Variants in PCDHGB1 observed in about 807,000 individuals in gnomAD.
PCDHGB1 encodes the protein protocadherin gamma subfamily B, 1.
Under a neutral mutation model 56.6 loss-of-function variants are expected in PCDHGB1, and 34 were observed. The ratio of observed to expected loss-of-function variants is 0.60; its 90% CI spans 0.46 to 0.80. The LOEUF (loss-of-function observed/expected upper bound fraction) is 0.80, where lower values mean the gene tolerates loss of function less well. PCDHGB1 is among the 30% of genes least tolerant of loss of function. The pLI, the probability that PCDHGB1 is intolerant of heterozygous loss-of-function variation, is 0.00. For synonymous variants in PCDHGB1, 561 were observed against 505.9 expected, an observed-to-expected ratio of 1.11 and a Z score of -1.46; for missense variants, 1,278 against 1,204.6, an observed-to-expected ratio of 1.06 and a Z score of -0.90.
chr5:141,382,699 G>C lies in PCDHGB1; in HGVS notation c.2409+30030G>C, dbSNP rs6876944. The stretch of plus-strand genomic sequence containing the variant: ...CCAACCAGGGAAAAATGGTGCGAGA[G>C]ATCCCACAGAAACCACCGAGTTTTA... On this transcript the variant is annotated intron_variant, in intron 1 of 3. Transcript: ENST00000523390. 3,018 of 458,814 alleles carry C rather than the reference G, an allele frequency of 6.6e-3. 90 individuals carry two copies. Among genetic ancestry groups the C allele is most frequent in the African/African-American group, 0.053 (2,693 of 50,344 alleles). 28.4% of individuals were successfully genotyped at this position (458,814 alleles called of 1,614,324 possible).
intron 1 of PCDHGB1, chr5:141,417,070 G>A (rs1324168481): frequency 6.6e-6 from 1 of 151,864 alleles, no homozygotes; most frequent in Non-Finnish European, 1.5e-5. Flanking sequence ...TGTAGCTATT[G>A]TGAGAAAATA....
chr5:141,476,642 C>T lies in PCDHGB1; in HGVS notation c.2410-18165C>T. On this transcript the variant is annotated intron_variant, in intron 1 of 3. Transcript: ENST00000523390. This position sits in a 1 kb window ranked among gnomAD's most constrained non-coding sequence, Gnocchi z 7.6. The stretch of plus-strand genomic sequence containing the variant: ...CTCTTTACAAACCTATGAGCTGAGC[C>T]GAAATGAATACTTTGCGCTTCGCGT... The T allele has an allele frequency of 1.9e-6, 3 of 1,614,240 alleles. No individual in the cohort carries two copies. The highest frequency in any genetic ancestry group is 2.5e-6 in the Non-Finnish European group (3 of 1,180,050).
At chr5:141,415,611 A>G in intron 1 of PCDHGB1, 1 of 1,613,152 alleles carries the variant, frequency 6.2e-7, no homozygotes, top group Non-Finnish European at 8.5e-7. Context: ...CATTGGTTCC[A>G]GTGAGTTTTA....
intron 1 of PCDHGB1, chr5:141,419,487 G>T: frequency 6.2e-7 from 1 of 1,612,378 alleles, no homozygotes. Context: ...CCCGCGCTCA[G>T]CGCCAATGTG....
chr5:141,370,558 G>A (rs1191020056), intron 1 of PCDHGB1: 3 of 1,613,818 alleles, frequency 1.9e-6, no homozygotes, highest in Admixed American at 3.3e-5. Flanking sequence ...AAGGACCTGG[G>A]GTTTGGCGTG....
intron 1 of PCDHGB1, chr5:141,360,426 G>A (rs763572902): frequency 2.5e-6 from 4 of 1,614,000 alleles, no homozygotes; most frequent in Non-Finnish European, 2.5e-6. Flanking sequence ...AGATATGCGG[G>A]AAGCAGCCTC....
intron 1 of PCDHGB1, chr5:141,422,550 G>A: frequency 6.2e-7 from 1 of 1,613,978 alleles, no homozygotes; most frequent in Non-Finnish European, 8.5e-7. Flanking sequence ...ATGTCTGGCT[G>A]AATGTGGCAG....
In PCDHGB1 at chr5:141,489,153, G is replaced by C; in HGVS notation, c.2410-5654G>C. Reference sequence around the variant, plus strand: ...TTTAAGAGGCTGGAAGGAGACATAAGAGACTTCAGCTGCTGCATTCCAAGC... The same window carrying C: ...TTTAAGAGGCTGGAAGGAGACATAACAGACTTCAGCTGCTGCATTCCAAGC... On this transcript the variant is annotated intron_variant, in intron 1 of 3. Coordinates refer to ENST00000523390, the MANE Select transcript of PCDHGB1 (RefSeq NM_018922.3). This position sits in a 1 kb window ranked among gnomAD's most constrained non-coding sequence, Gnocchi z 4.5. 1 of 935,832 alleles carries C rather than the reference G, an allele frequency of 1.1e-6. No individual in the cohort carries two copies. Among genetic ancestry groups the C allele is most frequent in the Non-Finnish European group, 1.6e-6 (1 of 627,178 alleles). The allele number at this position is 935,832 out of a possible 1,614,324, so 58.0% of individuals were successfully genotyped here.
rs377389968 is a variant in PCDHGB1, at chr5:141,404,840, C to T, written c.2409+52171C>T. On this transcript the variant is annotated intron_variant, in intron 1 of 3. Coordinates refer to ENST00000523390, the MANE Select transcript of PCDHGB1 (RefSeq NM_018922.3). Reference sequence around the variant, plus strand: ...GCACACAGGTGAAGTGCGCACAGCTCGGGCCCTGCTAGATAGAGATGCGCT... The same window carrying T: ...GCACACAGGTGAAGTGCGCACAGCTTGGGCCCTGCTAGATAGAGATGCGCT... 3.5e-5 allele frequency: 57 copies of T among 1,613,700 alleles called. No individual in the cohort carries two copies. The African/African-American group carries it at 6.3e-4, about 18-fold the overall frequency.
rs377208230 is a variant in PCDHGB1, at chr5:141,351,886, G to A, written c.1626G>A (p.Val542=). Residue 542 remains valine (V), a synonymous_variant, in exon 1 of 4, where the codon GTG becomes GTA. Coordinates refer to ENST00000523390, the MANE Select transcript of PCDHGB1 (RefSeq NM_018922.3). ...DQGSPALSAN[V]SLRVLVGDLN... ...GCTCCCCCGCGCTCAGCGCCAACGT[G>A]AGCCTGCGCGTGTTGGTGGGCGACC... 35 of 1,613,292 alleles carry A rather than the reference G, an allele frequency of 2.2e-5. No homozygotes were observed. Among genetic ancestry groups the A allele is most frequent in the Admixed American group, 3.3e-5 (2 of 59,990 alleles).
chr5:141,425,482 C>G (rs1257043728), intron 1 of PCDHGB1, among the ~76,000 whole-genome samples: 1 of 152,192 alleles, frequency 6.6e-6, no homozygotes, highest in East Asian at 1.9e-4. Flanking sequence ...CCTATGGCAA[C>G]CTACTAGGCT....
chr5:141,381,826 C>CTTTTTTTTTTTTTT (rs770630741), intron 1 of PCDHGB1, among the ~76,000 whole-genome samples: 11 of 74,282 alleles, frequency 1.5e-4, no homozygotes, highest in Non-Finnish European at 1.7e-4. Context: ...CTTTCTTCTT[C>CTTTTTTTTTTTTTT]TTTTTTTTTT....
intron 1 of PCDHGB1, among the ~76,000 whole-genome samples, chr5:141,481,245 T>C (rs1362728826): frequency 6.6e-6 from 1 of 152,194 alleles, no homozygotes; most frequent in East Asian, 1.9e-4. Context: ...TTACATAGCA[T>C]AGCTCTAAAA....
rs1758654842 is a variant in PCDHGB1, at chr5:141,351,140, A to G, written c.880A>G (p.Thr294Ala). The G allele has an allele frequency of 6.2e-7, 1 of 1,613,922 alleles. No homozygotes were observed. Among genetic ancestry groups the G allele is most frequent in the Non-Finnish European group, 8.5e-7 (1 of 1,179,898 alleles). The stretch of plus-strand genomic sequence containing the variant: ...CAGCCTCTTCAATCTCAATCCAAAT[A>G]CTGGCGACATCACAACCAATGGCAC... ...STSLFNLNPN[T>A]GDITTNGTLD... Residue 294 changes from threonine to alanine, a missense_variant, in exon 1 of 4, where the codon ACT (threonine) becomes GCT (alanine). Thr to Ala is a moderately conservative substitution (Grantham distance 58). Transcript: ENST00000523390.
Position 141,352,171 on chromosome 5 carries a change from C to A in PCDHGB1, c.1911C>A (p.Arg637=). The A allele has an allele frequency of 6.2e-7, 1 of 1,613,606 alleles. No homozygotes were observed. Among genetic ancestry groups the A allele is most frequent in the South Asian group, 1.1e-5 (1 of 91,066 alleles). ...GCGACAGGGACGCGGCCCGCCAGCGCCTGCTGGTCGCTGTGCGTGATGGAG... is the reference window on the plus strand; with the variant it reads ...GCGACAGGGACGCGGCCCGCCAGCGACTGCTGGTCGCTGTGCGTGATGGAG... The part of the protein sequence containing the change: ...ALGDRDAARQ[R]LLVAVRDGGQ... Residue 637 remains arginine, a synonymous_variant, in exon 1 of 4, where the codon CGC becomes CGA. Transcript: ENST00000523390.
rs370432555 is a variant in PCDHGB1 at position 141,388,865 on chromosome 5, G to A, written c.2409+36196G>A. On this transcript the variant is annotated intron_variant, in intron 1 of 3. Transcript: ENST00000523390. Reference sequence around the variant, plus strand: ...CAAGGGACGGTGGAGGAATGATTGCGCAATGCACAGTGGAGGTAGAAGTCA... The same window carrying A: ...CAAGGGACGGTGGAGGAATGATTGCACAATGCACAGTGGAGGTAGAAGTCA... 10 of 1,613,808 alleles carry A rather than the reference G, an allele frequency of 6.2e-6. No homozygotes were observed. In the East Asian group the frequency reaches 6.7e-5, roughly 11 times the overall value.
intron 1 of PCDHGB1, chr5:141,408,748 T>A (rs757813921): frequency 2.5e-6 from 4 of 1,608,714 alleles, no homozygotes; most frequent in Non-Finnish European, 3.4e-6. Flanking sequence ...CATTAATGGT[T>A]AGAGTTAATT....
intron 1 of PCDHGB1, among the ~76,000 whole-genome samples, chr5:141,464,436 TTTG>T (rs1043492514): frequency 1.1e-4 from 17 of 151,396 alleles, no homozygotes; most frequent in Non-Finnish European, 1.9e-4. Flanking sequence ...GATATATATG[TTTG>T]TTGTTGTTGT....
chr5:141,414,613 G>A (rs957641063), intron 1 of PCDHGB1: 2 of 1,613,988 alleles, frequency 1.2e-6, no homozygotes, highest in East Asian at 4.5e-5. Flanking sequence ...CTCAGTGACA[G>A]CGCTGGACCC....
Sources: allele counts gnomAD v4.1 joint callset (sites outside exome capture counted in the v4.1 genomes callset), GRCh38; gene constraint gnomAD v4.1.1; non-coding constraint Gnocchi (gnomAD v3.1); transcripts MANE v1.5; gene names NCBI Gene and HGNC (gene_info 2026-07-23, HGNC 2026-07-21).